BACE2: variants seen among roughly 807,000 people sequenced by gnomAD.
BACE2 encodes the protein beta-secretase 2.
A neutral mutation model predicts 46.2 loss-of-function variants in BACE2; 17 were observed. The observed-to-expected ratio is 0.37, with a 90% CI of 0.25 to 0.55. The LOEUF is 0.55. BACE2 is among the 20% of genes least tolerant of loss of function. The pLI is 0.82. For missense variants in BACE2, 595 were observed against 698.1 expected, an observed-to-expected ratio of 0.85 and a Z score of 1.66; for synonymous variants, 277 against 295.9, an observed-to-expected ratio of 0.94 and a Z score of 0.66.
intron 6 of BACE2, 59 bp downstream of exon 6, chr21:41,246,122 G>T: frequency 7.5e-7 from 1 of 1,330,572 alleles, no homozygotes; most frequent in South Asian, 1.3e-5. Context: ...ACCTGCTGAG[G>T]AGCAGCACTG....
intron 1 of BACE2, among the ~76,000 whole-genome samples, chr21:41,198,546 C>A (rs554696275): frequency 3.1e-4 from 47 of 152,272 alleles, no homozygotes; most frequent in African/African-American, 1.1e-3. Context: ...AGCTCCTCTA[C>A]CAAAGCAGTT....
intron 1 of BACE2, among the ~76,000 whole-genome samples, chr21:41,185,795 A>G (rs1405353903): frequency 2.0e-5 from 3 of 152,174 alleles, no homozygotes; most frequent in Admixed American, 2.0e-4. Context: ...GTGGGCGGCC[A>G]ACCCCGTGAA....
At position 41,278,697 on chromosome 21, in the gene BACE2, T is replaced by A. The variant is rs1279192976; in HGVS notation, c.*3073T>A. The stretch of plus-strand genomic sequence containing the variant: ...AATTGTGAGTTGGGGATTCCATCAT[T>A]TCATTTAAGAGGTGAAGAGGGATTT... On this transcript the variant is annotated 3_prime_UTR_variant, in exon 9 of 9. Transcript: ENST00000330333. 1.3e-5 allele frequency: 2 copies of A among 152,200 alleles called. No individual in the cohort carries two copies. Among genetic ancestry groups the A allele is most frequent in the East Asian group, 3.8e-4 (2 of 5,198 alleles). The allele number at this position is 152,200 out of a possible 1,614,324, so 9.4% of individuals were successfully genotyped here. A position where few individuals can be genotyped will look rare whatever the true frequency, so the allele number is the denominator to read the frequency against.
In BACE2 at chr21:41,242,080, T is replaced by C. The variant is rs552464328; in HGVS notation, c.747+133T>C. ...AGGTACTGTAAAACTTTCATCCTCC[T>C]TGTAGTAGATCTTTTTAGAAATGGC... On this transcript the variant is annotated intron_variant, in intron 4 of 8. Transcript: ENST00000330333. 1.7e-4 allele frequency: 205 copies of C among 1,177,258 alleles called. 2 individuals carry two copies. The South Asian group carries it at 2.8e-3, about 16-fold the overall frequency. 72.9% of individuals were successfully genotyped at this position (1,177,258 alleles called of 1,614,324 possible).
At chr21:41,236,098 G>A (rs1399542271) in intron 2 of BACE2, among the ~76,000 whole-genome samples, 1 of 152,192 alleles carries the variant, frequency 6.6e-6, no homozygotes. Context: ...TTTCTTAGGA[G>A]GAGCATGGTT....
At chr21:41,263,376 A>G (rs942081777) in intron 8 of BACE2, among the ~76,000 whole-genome samples, 5 of 152,206 alleles carry the variant, frequency 3.3e-5, no homozygotes, top group Admixed American at 6.5e-5. Flanking sequence ...AGTAATACAT[A>G]CTTTAGTAGT....
chr21:41,269,829 T>C (rs2088416886), intron 8 of BACE2, among the ~76,000 whole-genome samples: 1 of 152,228 alleles, frequency 6.6e-6, no homozygotes, highest in Non-Finnish European at 1.5e-5. Flanking sequence ...GACATATATT[T>C]TGTTTTTTAT....
chr21:41,274,540 C>T (rs1263288289), intron 8 of BACE2, among the ~76,000 whole-genome samples: 1 of 152,024 alleles, frequency 6.6e-6, no homozygotes, highest in African/African-American at 2.4e-5. Flanking sequence ...GCTTAAGATC[C>T]CATATTCCTG....
At chr21:41,272,384 TA>T (rs2088442799) in intron 8 of BACE2, among the ~76,000 whole-genome samples, 2 of 152,098 alleles carry the variant, frequency 1.3e-5, no homozygotes, top group Non-Finnish European at 1.5e-5. Flanking sequence ...TTTTTTCAAA[TA>T]TTTTTTGCCT....
chr21:41,198,841 T>G (rs1436023493), intron 1 of BACE2, among the ~76,000 whole-genome samples: 1 of 150,958 alleles, frequency 6.6e-6, no homozygotes, highest in Non-Finnish European at 1.5e-5. Context: ...GGTGGATCTC[T>G]GTACGCTTTT....
At chr21:41,180,085 G>T in intron 1 of BACE2, 1 of 242,060 alleles carries the variant, frequency 4.1e-6, no homozygotes, top group East Asian at 1.2e-4. Flanking sequence ...CAGCTCAGAG[G>T]CAGTTCTGCA....
chr21:41,228,529 G>A (rs1359683336), intron 2 of BACE2, among the ~76,000 whole-genome samples: 1 of 152,202 alleles, frequency 6.6e-6, no homozygotes, highest in Non-Finnish European at 1.5e-5. Context: ...GTGAAGCAGA[G>A]CCAGTGTGCA....
At chr21:41,209,057 G>A (rs1037181023) in intron 1 of BACE2, among the ~76,000 whole-genome samples, 2 of 152,202 alleles carry the variant, frequency 1.3e-5, no homozygotes, top group Non-Finnish European at 2.9e-5. Context: ...ACGTTCTGTC[G>A]TGCGGTTATG....
chr21:41,186,522 G>C (rs1985382323), intron 1 of BACE2: 2 of 152,696 alleles, frequency 1.3e-5, no homozygotes, highest in Admixed American at 6.5e-5. Flanking sequence ...ACCAATTGCT[G>C]CCTCTCTGTC....
At chr21:41,224,579 G>T (rs1359091078) in intron 1 of BACE2, among the ~76,000 whole-genome samples, 1 of 152,192 alleles carries the variant, frequency 6.6e-6, no homozygotes, top group Non-Finnish European at 1.5e-5. Context: ...TCTAAAAGAA[G>T]TGTTCATTCT....
intron 1 of BACE2, among the ~76,000 whole-genome samples, chr21:41,219,933 T>C (rs1986589216): frequency 6.6e-6 from 1 of 152,222 alleles, no homozygotes; most frequent in South Asian, 2.1e-4. Flanking sequence ...ACTGTCTGCC[T>C]GGGGATGGCG....
chr21:41,246,165 T>A (rs1273943322), intron 6 of BACE2, 102 bp downstream of exon 6: 1 of 726,668 alleles, frequency 1.4e-6, no homozygotes, highest in Non-Finnish European at 2.1e-6. Flanking sequence ...TATTGCGCCA[T>A]GTATTTCCAA....
intron 1 of BACE2, among the ~76,000 whole-genome samples, chr21:41,194,453 A>G (rs115249286): frequency 0.017 from 2,521 of 152,350 alleles, 91 homozygotes; most frequent in African/African-American, 0.057. Flanking sequence ...CTTTTGCAAC[A>G]AAGGACACAG....
At chr21:41,184,737 G>C (rs1207890479) in intron 1 of BACE2, 1 of 167,078 alleles carries the variant, frequency 6.0e-6, no homozygotes, top group African/African-American at 2.4e-5. Context: ...GGGGACTGAA[G>C]AGACTCTGGG....
Sources: gnomAD v4.1 joint callset for allele counts (sites outside exome capture counted in the v4.1 genomes callset) on GRCh38, gnomAD v4.1.1 for gene constraint, MANE v1.5 for transcripts, NCBI Gene and HGNC (gene_info 2026-07-23, HGNC 2026-07-21) for gene names.